KLHL7: variants seen among roughly 807,000 people sequenced by gnomAD.
KLHL7 encodes the protein kelch-like protein 7.
Under a neutral mutation model 67.4 loss-of-function variants are expected in KLHL7, and 44 were observed. That is an observed-to-expected ratio of 0.65 (90% confidence interval 0.51 to 0.84). KLHL7 has a LOEUF of 0.84. Among genes scored for constraint, KLHL7 ranks in the 40% least tolerant of loss-of-function variants. The pLI, the probability that KLHL7 is intolerant of heterozygous loss-of-function variation, is 0.00. For missense variants in KLHL7, 362 were observed against 718.1 expected, an observed-to-expected ratio of 0.50 and a Z score of 5.67; for synonymous variants, 252 against 243.3, an observed-to-expected ratio of 1.04 and a Z score of -0.33.
At chr7:23,172,748 C>A in intron 9 of KLHL7, 200 bp from the exon 10 acceptor site, 1 of 514,134 alleles carries the variant, frequency 1.9e-6, no homozygotes, top group Non-Finnish European at 3.5e-6. Flanking sequence ...GGAATAAAAT[C>A]CATGTTTTCC....
chr7:23,117,935 A>G lies in KLHL7; in HGVS notation c.121-5842A>G, dbSNP rs778223389. 11 of 1,613,886 alleles carry G rather than the reference A, an allele frequency of 6.8e-6. No individual in the cohort carries two copies. The African/African-American group carries it at 9.3e-5, about 14-fold the overall frequency. On this transcript the variant is annotated intron_variant, in intron 1 of 10. Coordinates refer to ENST00000339077, the MANE Select transcript of KLHL7 (RefSeq NM_001031710.3). The stretch of plus-strand genomic sequence containing the variant: ...CATGCTGGGAGGGACTGATTGCAGA[A>G]CCTTCTTGACAAGCCACATAAATCT...
chr7:23,154,986 A>G (rs955187), intron 7 of KLHL7, among the ~76,000 whole-genome samples: 74,520 of 151,946 alleles, frequency 0.49, 21,105 homozygotes, highest in East Asian at 0.69. Flanking sequence ...ATACCCATAG[A>G]GCAAATATGC....
intron 4 of KLHL7, among the ~76,000 whole-genome samples, chr7:23,128,422 T>TAAAAAAAAAAAA (rs201757686): frequency 8.6e-6 from 1 of 116,866 alleles, no homozygotes; most frequent in Non-Finnish European, 1.8e-5. Context: ...TCTTTGGGTT[T>TAAAAAAAAAAAA]AAAAAAAAAA....
chr7:23,137,006 C>A (rs181652325), intron 4 of KLHL7, among the ~76,000 whole-genome samples: 251 of 152,122 alleles, frequency 1.6e-3, no homozygotes, highest in African/African-American at 5.6e-3. Flanking sequence ...TAGATTAGGC[C>A]AGGTGCAGTG....
intron 4 of KLHL7, chr7:23,129,897 A>G (rs907837333): frequency 6.5e-6 from 1 of 153,554 alleles, no homozygotes; most frequent in African/African-American, 2.4e-5. Flanking sequence ...TTGGATTTAG[A>G]GGCTCCTTTT....
At chr7:23,106,987 T>C (rs1370551957) in intron 1 of KLHL7, among the ~76,000 whole-genome samples, 3 of 152,174 alleles carry the variant, frequency 2.0e-5, no homozygotes, top group South Asian at 2.1e-4. Context: ...TGGGATCCTG[T>C]TTCAAGGGGA....
intron 1 of KLHL7, among the ~76,000 whole-genome samples, chr7:23,111,225 A>G (rs1387579253): frequency 6.6e-6 from 1 of 152,192 alleles, no homozygotes; most frequent in Non-Finnish European, 1.5e-5. Context: ...GGTGTTAACT[A>G]GGTAAAGAGA....
At chr7:23,144,054 C>G in intron 6 of KLHL7, 29 bp downstream of exon 6, 1 of 1,583,888 alleles carries the variant, frequency 6.3e-7, no homozygotes, top group African/African-American at 1.3e-5. Flanking sequence ...CATTTATAAC[C>G]TGATCATGTA....
intron 1 of KLHL7, among the ~76,000 whole-genome samples, chr7:23,113,945 G>A (rs1782983865): frequency 6.6e-6 from 1 of 152,130 alleles, no homozygotes; most frequent in Admixed American, 6.5e-5. Context: ...GCTTATTTGA[G>A]AATGAATTCT....
intron 1 of KLHL7, among the ~76,000 whole-genome samples, chr7:23,120,718 C>A (rs1220570599): frequency 6.6e-6 from 1 of 152,128 alleles, no homozygotes; most frequent in Non-Finnish European, 1.5e-5. Context: ...AGGCATGTGC[C>A]ATCACACCTG....
rs1367459130 is a variant in KLHL7 at position 23,167,958 on chromosome 7, G to A, written c.1300G>A (p.Val434Ile). 6.2e-7 allele frequency: 1 copy of A among 1,614,236 alleles called. No individual in the cohort carries two copies. The highest frequency in any genetic ancestry group is 8.5e-7 in the Non-Finnish European group (1 of 1,180,036). ...GGTGGAAGCCAATGGCCTAATCTAT[G>A]TTTGTGGTGGAAGTTTAGGAAACAA... ...GMVEANGLIY[V>I]CGGSLGNNVS... The change falls in exon 9 of 11, where the codon GTT becomes ATT. Residue 434 changes from valine (V) to isoleucine (I), a missense_variant. Physicochemically the swap from Val to Ile is conservative, Grantham distance 29. Transcript: ENST00000339077.
chr7:23,149,319 G>A (rs1041296668), intron 6 of KLHL7, among the ~76,000 whole-genome samples: 1 of 152,172 alleles, frequency 6.6e-6, no homozygotes, highest in Non-Finnish European at 1.5e-5. Context: ...AGGCCCATTA[G>A]TGAAAGAGCC....
intron 9 of KLHL7, 117 bp from the exon 10 acceptor site, chr7:23,172,831 T>G: frequency 2.6e-6 from 2 of 769,598 alleles, no homozygotes; most frequent in South Asian, 2.9e-5. Context: ...TTTGTGCGTA[T>G]ATGTACACAT....
At chr7:23,165,663 C>T in intron 7 of KLHL7, 35 bp from the exon 8 acceptor site, 1 of 1,612,060 alleles carries the variant, frequency 6.2e-7, no homozygotes, top group Non-Finnish European at 8.5e-7. Flanking sequence ...ATATTTTTTT[C>T]CTTACTGAAA....
At chr7:23,171,063 A>C (rs1323179318) in intron 9 of KLHL7, 1 of 181,906 alleles carries the variant, frequency 5.5e-6, no homozygotes, top group Non-Finnish European at 1.2e-5. Context: ...GCACGCCACC[A>C]CACGGGCTAA....
chr7:23,117,577 C>T (rs1783146612), intron 1 of KLHL7, among the ~76,000 whole-genome samples: 1 of 152,192 alleles, frequency 6.6e-6, no homozygotes. Flanking sequence ...GGCAGTCCCT[C>T]TTTTCCTTCT....
chr7:23,106,935 C>T (rs762360661), intron 1 of KLHL7: 13 of 524,056 alleles, frequency 2.5e-5, no homozygotes, highest in Non-Finnish European at 3.2e-5. Context: ...ATAGATAATA[C>T]ACATCTAAGT....
chr7:23,105,801 C>T lies in KLHL7; in HGVS notation c.-226C>T, dbSNP rs755868761. On this transcript the variant is annotated 5_prime_UTR_variant, in exon 1 of 11. It adds an upstream start codon to the 5' untranslated region. Coordinates refer to ENST00000339077, the MANE Select transcript of KLHL7 (RefSeq NM_001031710.3). ...GCAGGGCTCGGGTTCTGCCCGGGGA[C>T]GCAGCCCAGTTGGTAGCGTCGCTCC... is the stretch of plus-strand genomic sequence containing the variant. 19 of 595,852 alleles carry T rather than the reference C, an allele frequency of 3.2e-5. No homozygotes were observed. Among genetic ancestry groups the T allele is most frequent in the East Asian group, 9.4e-5 (3 of 31,884 alleles). 36.9% of individuals were successfully genotyped at this position (595,852 alleles called of 1,614,324 possible).
intron 4 of KLHL7, among the ~76,000 whole-genome samples, chr7:23,132,537 G>A (rs960593793): frequency 6.6e-6 from 1 of 152,048 alleles, no homozygotes; most frequent in Non-Finnish European, 1.5e-5. Context: ...ATATATTCTG[G>A]TTATTAATCC....
Sources: allele counts gnomAD v4.1 joint callset (sites outside exome capture counted in the v4.1 genomes callset), GRCh38; gene constraint gnomAD v4.1.1; transcripts MANE v1.5; gene names NCBI Gene and HGNC (gene_info 2026-07-23, HGNC 2026-07-21).